Variants in SPAG17 observed in about 807,000 individuals in gnomAD.
The protein encoded by SPAG17 is sperm-associated antigen 17.
A neutral mutation model predicts 273.6 loss-of-function variants in SPAG17; 169 were observed. The observed-to-expected ratio is 0.62, with a 90% CI of 0.55 to 0.70. The LOEUF is 0.70. Among genes scored for constraint, SPAG17 ranks in the 30% least tolerant of loss-of-function variants. The pLI, the probability that SPAG17 is intolerant of heterozygous loss-of-function variation, is 0.00. For synonymous variants in SPAG17, 825 were observed against 873.2 expected, an observed-to-expected ratio of 0.94 and a Z score of 0.97; for missense variants, 2,557 against 2,627.8, an observed-to-expected ratio of 0.97 and a Z score of 0.59.
chr1:118,128,294 T>G (rs1372128228), intron 3 of SPAG17, among the ~76,000 whole-genome samples: 2 of 152,218 alleles, frequency 1.3e-5, no homozygotes, highest in Non-Finnish European at 2.9e-5. Context: ...TCTAAAAGTT[T>G]TTTGTGAAGT....
chr1:117,966,764 C>A lies in SPAG17; in HGVS notation c.6388-11G>T. 6.2e-7 allele frequency: 1 copy of A among 1,602,142 alleles called. No homozygotes were observed. Among genetic ancestry groups the A allele is most frequent in the South Asian group, 1.1e-5 (1 of 88,364 alleles). On this transcript the variant is annotated splice_polypyrimidine_tract_variant and intron_variant, in intron 46 of 48. Coordinates refer to ENST00000336338, the MANE Select transcript of SPAG17 (RefSeq NM_206996.4). ...CATACCAGCTGCCACCTATAAGACA[C>A]AAGGTAGCTTTAGGACCAGACAACT...
chr1:118,073,097 G>A (rs1653766444), intron 17 of SPAG17, among the ~76,000 whole-genome samples: 1 of 152,076 alleles, frequency 6.6e-6, no homozygotes, highest in African/African-American at 2.4e-5. Flanking sequence ...GTAAAACTTT[G>A]ATAAAAATAA....
intron 20 of SPAG17, among the ~76,000 whole-genome samples, chr1:118,053,681 A>G (rs1317593376): frequency 1.3e-5 from 2 of 152,100 alleles, no homozygotes; most frequent in Non-Finnish European, 2.9e-5. Flanking sequence ...AAAAATATAT[A>G]TGTATATCTC....
chr1:118,165,289 T>C (rs1660109288), intron 1 of SPAG17, among the ~76,000 whole-genome samples: 1 of 152,094 alleles, frequency 6.6e-6, no homozygotes, highest in South Asian at 2.1e-4. Context: ...CCGAAACTTC[T>C]GGTGCAAGGG....
At chr1:118,183,666 G>GT (rs1410382830) in intron 1 of SPAG17, among the ~76,000 whole-genome samples, 1 of 152,068 alleles carries the variant, frequency 6.6e-6, no homozygotes, top group Non-Finnish European at 1.5e-5. Context: ...GTGCCTTTAG[G>GT]TTTTCCATTC....
At chr1:117,959,178 T>C (rs1652663995) in intron 48 of SPAG17, 1 of 1,401,514 alleles carries the variant, frequency 7.1e-7, no homozygotes. Flanking sequence ...AAGTTCTTAA[T>C]GAGGGAAAGA....
At chr1:117,954,940 A>G (rs1651952287) in intron 48 of SPAG17, 2 of 387,404 alleles carry the variant, frequency 5.2e-6, no homozygotes, top group Non-Finnish European at 9.1e-6. Context: ...CAGCCTTCAG[A>G]AGGAAAGTTG....
chr1:118,073,062 AG>A (rs1653763426), intron 17 of SPAG17, among the ~76,000 whole-genome samples: 1 of 152,180 alleles, frequency 6.6e-6, no homozygotes, highest in African/African-American at 2.4e-5. Flanking sequence ...AAGACTTTGT[AG>A]AACTTTCTGG....
chr1:117,975,116 C>G (rs915735934), intron 43 of SPAG17, among the ~76,000 whole-genome samples: 1 of 152,106 alleles, frequency 6.6e-6, no homozygotes, highest in Non-Finnish European at 1.5e-5. Flanking sequence ...GAATCTTAGG[C>G]CTTTATGGTC....
At chr1:118,034,242 G>A (rs1648809269) in intron 24 of SPAG17, among the ~76,000 whole-genome samples, 1 of 152,204 alleles carries the variant, frequency 6.6e-6, no homozygotes, top group South Asian at 2.1e-4. Flanking sequence ...GTTCAGATTA[G>A]AACCCGTCAG....
chr1:117,955,256 A>G, intron 48 of SPAG17: 1 of 1,435,970 alleles, frequency 7.0e-7, no homozygotes, highest in Non-Finnish European at 9.6e-7. Context: ...TAGAAATTAG[A>G]GAACTTTAGT....
At chr1:117,969,829 T>C (rs1250016872) in intron 46 of SPAG17, among the ~76,000 whole-genome samples, 4 of 150,190 alleles carry the variant, frequency 2.7e-5, no homozygotes, top group Non-Finnish European at 4.4e-5. Context: ...AGTTTAACTC[T>C]GTTTATGCAT....
chr1:117,988,152 T>A lies in SPAG17; in HGVS notation c.5574A>T (p.Lys1858Asn), dbSNP rs1656649212. The change falls in exon 39 of 49, where the codon AAA becomes AAT. Residue 1858 changes from lysine to asparagine, a missense_variant. Lys to Asn is a moderately conservative substitution (Grantham distance 94). Coordinates refer to ENST00000336338, the MANE Select transcript of SPAG17 (RefSeq NM_206996.4). ...LFKQSLATPP[K>N]CPPDTFGKDF... ...CTTTACCAAATGTGTCTGGTGGGCA[T>A]TTTGGAGGCGTAGCCAAAGACTGCT... 2 of 1,607,616 alleles carry A rather than the reference T, an allele frequency of 1.2e-6. No homozygotes were observed. Among genetic ancestry groups the A allele is most frequent in the African/African-American group, 2.7e-5 (2 of 74,592 alleles).
At chr1:118,102,659 G>A (rs539207882) in intron 4 of SPAG17, among the ~76,000 whole-genome samples, 1 of 152,198 alleles carries the variant, frequency 6.6e-6, no homozygotes, top group East Asian at 1.9e-4. Context: ...CATTAATTCC[G>A]CCCCAACACC....
At chr1:118,063,186 T>A (rs1652537688) in intron 18 of SPAG17, among the ~76,000 whole-genome samples, 1 of 152,072 alleles carries the variant, frequency 6.6e-6, no homozygotes, top group Admixed American at 6.5e-5. Context: ...TTCAATGCCA[T>A]CCCCATCAAG....
At chr1:118,082,803 T>C (rs1045295534) in intron 13 of SPAG17, among the ~76,000 whole-genome samples, 9 of 152,016 alleles carry the variant, frequency 5.9e-5, no homozygotes, top group African/African-American at 1.9e-4. Context: ...GTGAAGGAAG[T>C]AGGGGAGCAA....
intron 10 of SPAG17, among the ~76,000 whole-genome samples, chr1:118,088,419 GTTC>G (rs1282039831): frequency 6.6e-6 from 1 of 152,142 alleles, no homozygotes; most frequent in Non-Finnish European, 1.5e-5. Context: ...GATACTGCAA[GTTC>G]TAGAGAGCTT....
At chr1:117,968,993 A>G (rs1322890741) in intron 46 of SPAG17, among the ~76,000 whole-genome samples, 3 of 152,118 alleles carry the variant, frequency 2.0e-5, no homozygotes, top group African/African-American at 7.2e-5. Flanking sequence ...TAAATGGCAT[A>G]TGGGAGGAAC....
At chr1:118,134,700 T>C (rs1211217837) in intron 3 of SPAG17, among the ~76,000 whole-genome samples, 2 of 152,182 alleles carry the variant, frequency 1.3e-5, no homozygotes, top group Non-Finnish European at 2.9e-5. Context: ...GGGCCCTTTA[T>C]GATTTGTCCT....
Sources: gnomAD v4.1 joint callset for allele counts (sites outside exome capture counted in the v4.1 genomes callset) on GRCh38, gnomAD v4.1.1 for gene constraint, MANE v1.5 for transcripts, NCBI Gene and HGNC (gene_info 2026-07-23, HGNC 2026-07-21) for gene names.